The following ZNF510 variants were observed in gnomAD, a reference collection of about 807,000 sequenced individuals.
ZNF510 encodes zinc finger protein 510.
ZNF510 carries 15 observed loss-of-function variants against 18.1 expected under a neutral mutation model. The ratio of observed to expected loss-of-function variants is 0.83; its 90% CI spans 0.55 to 1.28. The LOEUF (loss-of-function observed/expected upper bound fraction) is 1.28, where lower values mean the gene tolerates loss of function less well. Ranked by LOEUF, ZNF510 falls within the 50% of genes most tolerant of loss-of-function variation. ZNF510 has a pLI of 0.00. For missense variants in ZNF510, 724 were observed against 791.8 expected, an observed-to-expected ratio of 0.91 and a Z score of 1.03; for synonymous variants, 261 against 266.4, an observed-to-expected ratio of 0.98 and a Z score of 0.20.
intron 3 of ZNF510, among the ~76,000 whole-genome samples, chr9:96,765,497 T>C (rs1442598493): frequency 6.6e-6 from 1 of 152,050 alleles, no homozygotes; most frequent in Non-Finnish European, 1.5e-5. Flanking sequence ...TTTTGTGCTT[T>C]TTCTTGATGA....
At chr9:96,775,323 A>T (rs773143846) in intron 2 of ZNF510, among the ~76,000 whole-genome samples, 3 of 152,018 alleles carry the variant, frequency 2.0e-5, no homozygotes, top group Non-Finnish European at 4.4e-5. Context: ...GCCTCCCAAA[A>T]TGCTGGGATT....
In ZNF510 at chr9:96,776,128, C is replaced by T. The variant is rs1849698184; in HGVS notation, c.-59G>A. On this transcript the variant is annotated 5_prime_UTR_variant, in exon 2 of 6. The change abolishes the stop of an existing upstream ORF in the 5' untranslated region. Transcript: ENST00000223428. Reference sequence around the variant, plus strand: ...AAGAAGTGCCGCTGGTTGGGCAAATCAAGACCTGCTCCTTTCTGGGTTCTT... The same window carrying T: ...AAGAAGTGCCGCTGGTTGGGCAAATTAAGACCTGCTCCTTTCTGGGTTCTT... 2.6e-6 allele frequency: 4 copies of T among 1,554,894 alleles called. No individual in the cohort carries two copies. Among genetic ancestry groups the T allele is most frequent in the Non-Finnish European group, 2.6e-6 (3 of 1,148,250 alleles).
intron 5 of ZNF510, among the ~76,000 whole-genome samples, chr9:96,762,030 T>G (rs970436069): frequency 1.3e-5 from 2 of 151,868 alleles, no homozygotes; most frequent in Admixed American, 1.3e-4. Flanking sequence ...GGCATAAAAA[T>G]GATACAATGG....
chr9:96,775,163 A>G (rs34483649), intron 2 of ZNF510, among the ~76,000 whole-genome samples: 2,712 of 151,642 alleles, frequency 0.018, 38 homozygotes, highest in Non-Finnish European at 0.028. Flanking sequence ...GGGTTCATGC[A>G]ATTCTCCCGT....
Position 96,759,574 on chromosome 9 carries a change from A to C in ZNF510, c.1256T>G (p.Leu419Arg), listed in dbSNP as rs762228713. 1 of 1,614,046 alleles carries C rather than the reference A, an allele frequency of 6.2e-7. No individual in the cohort carries two copies. Among genetic ancestry groups the C allele is most frequent in the South Asian group, 1.1e-5 (1 of 91,080 alleles). ...CGKSFCQKGH[L>R]IQHQRTHTGE... The stretch of plus-strand genomic sequence containing the variant: ...TGTGTGAGTTCTCTGATGTTGAATG[A>C]GATGTCCTTTCTGACAGAAGGATTT... Residue 419 changes from leucine (L) to arginine (R), a missense_variant, in exon 6 of 6, where the codon CTC (leucine) becomes CGC (arginine). Coordinates refer to ENST00000223428, the MANE Select transcript of ZNF510 (RefSeq NM_014930.3).
At position 96,774,537 on chromosome 9, in the gene ZNF510, T is replaced by TA. The variant is rs148578444; in HGVS notation, c.129+250dup. ...TAAGCTTCTCATCAATGCAAATCTGTAAAAAAAATACTGTCTGTCTGGCTC... is the reference window on the plus strand; with the variant it reads ...TAAGCTTCTCATCAATGCAAATCTGTAAAAAAAAATACTGTCTGTCTGGCTC... On this transcript the variant is annotated intron_variant, in intron 3 of 5. Transcript: ENST00000223428. 2.3e-3 allele frequency among the ~76,000 whole-genome samples: 355 copies of TA among 152,126 alleles called. 3 individuals carry two copies. Among genetic ancestry groups the TA allele is most frequent in the African/African-American group, 7.9e-3 (328 of 41,484 alleles).
intron 2 of ZNF510, among the ~76,000 whole-genome samples, chr9:96,775,608 G>C (rs1170440106): frequency 1.9e-4 from 29 of 152,176 alleles, no homozygotes; most frequent in Admixed American, 1.9e-3. Context: ...CTGTGACAGA[G>C]TGAACAGCAC....
rs75475596 is a variant in ZNF510, at chr9:96,755,290, G to C, written c.*3488C>G. Among the ~76,000 whole-genome samples, 1,667 of 149,856 alleles carry C rather than the reference G, an allele frequency of 0.011. 27 individuals are homozygous for C. Among genetic ancestry groups the C allele is most frequent in the African/African-American group, 0.04 (1,578 of 39,178 alleles). On this transcript the variant is annotated 3_prime_UTR_variant, in exon 6 of 6. Transcript: ENST00000223428. The stretch of plus-strand genomic sequence containing the variant: ...AGATGATTCTAAATATTTTCTTTCA[G>C]AAAGTGTCTTGAGTAAAAAAAGTTT...
At chr9:96,771,567 GAC>G (rs976577169) in intron 3 of ZNF510, among the ~76,000 whole-genome samples, 2 of 151,948 alleles carry the variant, frequency 1.3e-5, no homozygotes, top group African/African-American at 4.8e-5. Flanking sequence ...TGAGGTATAA[GAC>G]AAGGATTTCT....
chr9:96,759,621 G>T lies in ZNF510; in HGVS notation c.1209C>A (p.Pro403=), dbSNP rs748080219. The change falls in exon 6 of 6, where the codon CCC becomes CCA. Residue 403 remains proline, a synonymous_variant. Transcript: ENST00000223428. Reference sequence around the variant, plus strand: ...ATTTCCCACATTCATTACATTTATAGGGTTTCATCATTGAGTGACTTCTTC... The same window carrying T: ...ATTTCCCACATTCATTACATTTATATGGTTTCATCATTGAGTGACTTCTTC... ...VRRRSHSMMK[P]YKCNECGKSF... is the part of the protein sequence containing the mutation. 2 of 1,613,820 alleles carry T rather than the reference G, an allele frequency of 1.2e-6. No homozygotes were observed. Among genetic ancestry groups the T allele is most frequent in the South Asian group, 2.2e-5 (2 of 91,076 alleles).
At chr9:96,772,152 C>T (rs577478236) in intron 3 of ZNF510, among the ~76,000 whole-genome samples, 15 of 152,296 alleles carry the variant, frequency 9.8e-5, no homozygotes, top group African/African-American at 3.6e-4. Context: ...CAAAAAACAG[C>T]TGCAATTCAG....
chr9:96,766,372 C>T (rs926909543), intron 3 of ZNF510, among the ~76,000 whole-genome samples: 7 of 149,994 alleles, frequency 4.7e-5, no homozygotes, highest in African/African-American at 1.8e-4. Context: ...AAAATACCAC[C>T]ACTACCAATT....
intron 3 of ZNF510, among the ~76,000 whole-genome samples, chr9:96,768,848 G>A (rs1849529541): frequency 6.6e-6 from 1 of 151,914 alleles, no homozygotes; most frequent in Admixed American, 6.6e-5. Flanking sequence ...CAATTTATAT[G>A]AAATTGCAAG....
chr9:96,762,966 T>A, intron 5 of ZNF510, 152 bp downstream of exon 5: 1 of 615,832 alleles, frequency 1.6e-6, no homozygotes. Context: ...TTTAATGGAA[T>A]CAACTTTATT....
chr9:96,776,101 TGAA>T lies in ZNF510; in HGVS notation c.-35_-33del, dbSNP rs1356762283. ...GTCTGGTGCTCTCTGGGCAAGGGGA[TGAA>T]GAAGTGCCGCTGGTTGGGCAAATCA... is the stretch of plus-strand genomic sequence containing the variant. On this transcript the variant is annotated 5_prime_UTR_variant, in exon 2 of 6. Transcript: ENST00000223428. The T allele has an allele frequency of 1.3e-6, 2 of 1,580,540 alleles. No homozygotes were observed. The highest frequency in any genetic ancestry group is 1.7e-6 in the Non-Finnish European group (2 of 1,161,434).
intron 3 of ZNF510, among the ~76,000 whole-genome samples, chr9:96,765,110 T>C (rs1481898265): frequency 6.7e-6 from 1 of 149,376 alleles, no homozygotes; most frequent in Non-Finnish European, 1.5e-5. Flanking sequence ...GAGATTCTTG[T>C]ATAAAAAACA....
chr9:96,763,014 G>C, intron 5 of ZNF510, 104 bp downstream of exon 5: 1 of 896,626 alleles, frequency 1.1e-6, no homozygotes, highest in African/African-American at 1.6e-5. Context: ...TGTGCCTTTA[G>C]GCTTTCTAAG....
intron 3 of ZNF510, among the ~76,000 whole-genome samples, chr9:96,772,213 C>T (rs71499966): frequency 9.9e-5 from 15 of 152,172 alleles, no homozygotes; most frequent in African/African-American, 2.4e-4. Flanking sequence ...ACTGGATATC[C>T]GTATGGAAAT....
chr9:96,764,575 A>T (rs1490663154), intron 3 of ZNF510, among the ~76,000 whole-genome samples: 2 of 152,242 alleles, frequency 1.3e-5, no homozygotes, highest in East Asian at 3.8e-4. Context: ...ATGATTGTCA[A>T]AACTGAAAAT....
Sources: gnomAD v4.1 joint callset for allele counts (sites outside exome capture counted in the v4.1 genomes callset) on GRCh38, gnomAD v4.1.1 for gene constraint, MANE v1.5 for transcripts, NCBI Gene and HGNC (gene_info 2026-07-23, HGNC 2026-07-21) for gene names.